The following FOXP2 variants were observed in gnomAD, a reference collection of about 807,000 sequenced individuals.
FOXP2 encodes forkhead box protein P2.
In FOXP2, 12 loss-of-function variants were observed where a neutral mutation model predicts 115.8. The ratio of observed to expected loss-of-function variants is 0.10; its 90% CI spans 0.07 to 0.17. The LOEUF (loss-of-function observed/expected upper bound fraction) is 0.17. Ranked by LOEUF, FOXP2 falls within the 10% of genes least tolerant of loss-of-function variation. The pLI is 1.00. For synonymous variants in FOXP2, 328 were observed against 297.7 expected, an observed-to-expected ratio of 1.10 and a Z score of -1.05; for missense variants, 629 against 843.5, an observed-to-expected ratio of 0.75 and a Z score of 3.15.
chr7:114,604,868 C>T (rs1017166042), intron 3 of FOXP2, among the ~76,000 whole-genome samples: 4 of 152,118 alleles, frequency 2.6e-5, no homozygotes, highest in Non-Finnish European at 5.9e-5. Flanking sequence ...AGCGTAGTGA[C>T]CCAGACCTTG....
intron 1 of FOXP2, among the ~76,000 whole-genome samples, chr7:114,198,622 C>T (rs938324876): frequency 3.0e-4 from 45 of 152,150 alleles, no homozygotes; most frequent in African/African-American, 1.1e-3. Flanking sequence ...GGTAAATGGT[C>T]ACTTGGCGGG....
intron 2 of FOXP2, among the ~76,000 whole-genome samples, chr7:114,348,311 C>A (rs1007992392): frequency 1.3e-5 from 2 of 151,874 alleles, no homozygotes; most frequent in Non-Finnish European, 2.9e-5. Flanking sequence ...CATTCTTTGA[C>A]CTTTTCTTTT....
At chr7:114,453,870 A>G (rs2129220429) in intron 2 of FOXP2, among the ~76,000 whole-genome samples, 1 of 152,254 alleles carries the variant, frequency 6.6e-6, no homozygotes, top group South Asian at 2.1e-4. Context: ...AATCAATTCA[A>G]GATGGATTAA....
At chr7:114,530,042 C>A (rs531257827) in intron 2 of FOXP2, among the ~76,000 whole-genome samples, 1 of 151,750 alleles carries the variant, frequency 6.6e-6, no homozygotes, top group Non-Finnish European at 1.5e-5. Flanking sequence ...ATATGAGGAA[C>A]AAAAATCTGG....
chr7:114,243,232 C>T (rs1279870154), intron 1 of FOXP2, among the ~76,000 whole-genome samples: 1 of 139,276 alleles, frequency 7.2e-6, no homozygotes, highest in Non-Finnish European at 1.5e-5. Flanking sequence ...GCACAACACA[C>T]TGAAAATAAA....
intron 1 of FOXP2, among the ~76,000 whole-genome samples, chr7:114,199,136 C>G (rs1793991400): frequency 6.6e-6 from 1 of 152,148 alleles, no homozygotes; most frequent in African/African-American, 2.4e-5. Flanking sequence ...TCTGCCTTGG[C>G]CTTCCAAAGT....
chr7:114,287,597 T>C (rs533417983), intron 1 of FOXP2, among the ~76,000 whole-genome samples: 1 of 152,110 alleles, frequency 6.6e-6, no homozygotes, highest in East Asian at 1.9e-4. Context: ...TTGTGGAAAA[T>C]CCTACAAAGC....
rs574383095 is a variant in FOXP2 at position 114,362,078 on chromosome 7, AG to A, written c.-10-64419del. On this transcript the variant is annotated intron_variant, in intron 2 of 17. Coordinates refer to the FOXP2 transcript ENST00000634411. Reference sequence around the variant, plus strand: ...TATGATGAAACTATGGTGGCCAGGGAGGGGGTAAGGAGTGGAACAGTAGTGT... The same window carrying A: ...TATGATGAAACTATGGTGGCCAGGGAGGGGTAAGGAGTGGAACAGTAGTGT... Among the ~76,000 whole-genome samples, 27 of 152,126 alleles carry A rather than the reference AG, an allele frequency of 1.8e-4. No individual in the cohort carries two copies. In the South Asian group the frequency reaches 5.6e-3, roughly 32 times the overall value.
chr7:114,109,937 G>A (rs1339198235), intron 1 of FOXP2, among the ~76,000 whole-genome samples: 1 of 152,004 alleles, frequency 6.6e-6, no homozygotes, highest in Non-Finnish European at 1.5e-5. Context: ...TTGTATACCA[G>A]CCCATTAAGG....
chr7:114,644,960 T>C, intron 8 of FOXP2, 171 bp downstream of exon 8: 1 of 562,662 alleles, frequency 1.8e-6, no homozygotes, highest in Non-Finnish European at 3.2e-6. Context: ...GGCTTCATCT[T>C]TTCATTAAGA....
intron 2 of FOXP2, 139 bp from the exon 3 acceptor site, chr7:114,534,478 G>C (rs1210215720): frequency 1.3e-6 from 1 of 753,592 alleles, no homozygotes; most frequent in African/African-American, 1.8e-5. Flanking sequence ...TTTCATATTA[G>C]AAGATAAACA....
chr7:114,201,780 T>C (rs568787494), intron 1 of FOXP2, among the ~76,000 whole-genome samples: 110 of 152,314 alleles, frequency 7.2e-4, no homozygotes, highest in African/African-American at 2.3e-3. Context: ...CTAAAATTTT[T>C]CTGTATTTAA....
At chr7:114,650,103 T>C (rs1451283640) in intron 8 of FOXP2, among the ~76,000 whole-genome samples, 3 of 152,144 alleles carry the variant, frequency 2.0e-5, no homozygotes, top group African/African-American at 7.2e-5. Flanking sequence ...CAGTCTCTAT[T>C]CTAATAAAAG....
At chr7:114,505,697 G>A (rs147610459) in intron 2 of FOXP2, among the ~76,000 whole-genome samples, 8 of 151,430 alleles carry the variant, frequency 5.3e-5, no homozygotes, top group South Asian at 2.1e-4. Flanking sequence ...TTAAAACCAC[G>A]TCATAGATGG....
At chr7:114,171,268 T>C (rs993368018) in intron 1 of FOXP2, among the ~76,000 whole-genome samples, 5 of 152,162 alleles carry the variant, frequency 3.3e-5, no homozygotes, top group Admixed American at 6.5e-5. Context: ...TTCAAAATAT[T>C]ACTGCTCATT....
intron 2 of FOXP2, among the ~76,000 whole-genome samples, chr7:114,315,139 T>C (rs1797244573): frequency 6.6e-6 from 1 of 152,196 alleles, no homozygotes. Flanking sequence ...TCCCAAACTC[T>C]GTGAGGGTTA....
intron 2 of FOXP2, among the ~76,000 whole-genome samples, chr7:114,434,123 G>A (rs1794232414): frequency 6.6e-6 from 1 of 151,632 alleles, no homozygotes; most frequent in Non-Finnish European, 1.5e-5. Context: ...TCTTTCTCTA[G>A]TTTCTCTTTA....
intron 1 of FOXP2, among the ~76,000 whole-genome samples, chr7:114,122,915 C>G (rs2129143998): frequency 1.3e-5 from 2 of 152,062 alleles, no homozygotes; most frequent in East Asian, 3.9e-4. Flanking sequence ...TTGTGTTTAA[C>G]TTTATACATT....
chr7:114,345,974 A>T lies in FOXP2; in HGVS notation c.-11+57865A>T, dbSNP rs1250536239. 2.0e-5 allele frequency among the ~76,000 whole-genome samples: 3 copies of T among 151,896 alleles called. No homozygotes were observed. In the East Asian group the frequency reaches 5.8e-4, roughly 29 times the overall value. On this transcript the variant is annotated intron_variant, in intron 2 of 17. Coordinates refer to the FOXP2 transcript ENST00000634411. ...ATACCTTTTTAATATTTGGCTGCAT[A>T]GTTATAGTTTTTATAGTTTTCACAA...
Sources: allele counts gnomAD v4.1 joint callset (sites outside exome capture counted in the v4.1 genomes callset), GRCh38; gene constraint gnomAD v4.1.1; transcripts MANE v1.5; gene names NCBI Gene and HGNC (gene_info 2026-07-23, HGNC 2026-07-21).